The following NKAIN2 variants were observed in gnomAD, a reference collection of about 807,000 sequenced individuals.
NKAIN2 encodes the protein sodium/potassium-transporting ATPase subunit beta-1-interacting protein 2.
NKAIN2 carries 14 observed loss-of-function variants against 32.6 expected under a neutral mutation model. That is an observed-to-expected ratio of 0.43 (90% CI 0.28 to 0.67). NKAIN2 has a LOEUF of 0.67. NKAIN2 is among the 30% of genes least tolerant of loss of function. The pLI is 0.17. For missense variants in NKAIN2, 198 were observed against 258.3 expected (o/e 0.77, Z 1.60); for synonymous variants, 80 against 87.2 (o/e 0.92, Z 0.46).
At chr6:124,133,539 G>A (rs1309318098) in intron 1 of NKAIN2, among the ~76,000 whole-genome samples, 2 of 152,052 alleles carry the variant, frequency 1.3e-5, no homozygotes, top group South Asian at 2.1e-4. Context: ...TGCCTACCCA[G>A]GGATATATTC....
chr6:124,802,468 A>C (rs1282746839), intron 5 of NKAIN2, among the ~76,000 whole-genome samples: 2 of 152,264 alleles, frequency 1.3e-5, no homozygotes, highest in African/African-American at 4.8e-5. Context: ...GCACAAAGTG[A>C]GCCCAGGCAC....
intron 3 of NKAIN2, among the ~76,000 whole-genome samples, chr6:124,623,853 G>A (rs1291511323): frequency 6.6e-6 from 1 of 152,154 alleles, no homozygotes; most frequent in African/African-American, 2.4e-5. Flanking sequence ...GGTTTTCCTG[G>A]CCTTTGGTAC....
chr6:124,118,201 CTCAT>C (rs1476166959), intron 1 of NKAIN2, among the ~76,000 whole-genome samples: 1 of 152,056 alleles, frequency 6.6e-6, no homozygotes, highest in Non-Finnish European at 1.5e-5. Flanking sequence ...AACTGATACT[CTCAT>C]TTATTTATAT....
intron 1 of NKAIN2, among the ~76,000 whole-genome samples, chr6:123,945,811 C>A (rs1156559348): frequency 6.6e-6 from 1 of 152,146 alleles, no homozygotes; most frequent in Non-Finnish European, 1.5e-5. Flanking sequence ...AGATATAATT[C>A]AAGTGAGATT....
intron 1 of NKAIN2, among the ~76,000 whole-genome samples, chr6:124,249,726 G>A (rs989602953): frequency 2.5e-4 from 38 of 152,162 alleles, no homozygotes; most frequent in African/African-American, 9.1e-4. Context: ...TTCATCCTGA[G>A]GGTTTATGTT....
intron 1 of NKAIN2, among the ~76,000 whole-genome samples, chr6:123,954,411 T>TCA (rs35589803): frequency 0.14 from 21,229 of 152,094 alleles, 4,158 homozygotes; most frequent in African/African-American, 0.44. Flanking sequence ...AGGGGTTCAC[T>TCA]CTTGTCCTTT....
At position 124,810,272 on chromosome 6, in the gene NKAIN2, G is replaced by A. The variant is rs567099634; in HGVS notation, c.536-8115G>A. Among the ~76,000 whole-genome samples the A allele has an allele frequency of 2.0e-3, 302 of 151,816 alleles. 1 individual carries two copies. Among genetic ancestry groups the A allele is most frequent in the African/African-American group, 6.6e-3 (271 of 41,364 alleles). On this transcript the variant is annotated intron_variant, in intron 5 of 6. Transcript: ENST00000368417. ...TGATAGACTGGATTAAGAAAATGTG[G>A]CACATATACACCATGGAATACTATG... is the stretch of plus-strand genomic sequence containing the variant.
chr6:124,467,283 T>G (rs975793686), intron 3 of NKAIN2, among the ~76,000 whole-genome samples: 3 of 152,114 alleles, frequency 2.0e-5, no homozygotes, highest in Non-Finnish European at 4.4e-5. Context: ...CTTCTAGAAT[T>G]ATCCAAGAAA....
At chr6:124,576,759 C>T (rs1208381945) in intron 3 of NKAIN2, among the ~76,000 whole-genome samples, 2 of 151,824 alleles carry the variant, frequency 1.3e-5, no homozygotes, top group East Asian at 1.9e-4. Context: ...CTTTAAGAAA[C>T]GCACTTGTAG....
chr6:124,245,555 C>T (rs1456896806), intron 1 of NKAIN2, among the ~76,000 whole-genome samples: 2 of 151,996 alleles, frequency 1.3e-5, no homozygotes. Flanking sequence ...TATATTGCCC[C>T]CAGATGCAGA....
chr6:123,970,839 G>T (rs537476658), intron 1 of NKAIN2, among the ~76,000 whole-genome samples: 5 of 151,878 alleles, frequency 3.3e-5, no homozygotes, highest in African/African-American at 1.2e-4. Flanking sequence ...CTGAGATCGC[G>T]CCACTGCACT....
At chr6:124,299,412 G>A (rs1385747576) in intron 2 of NKAIN2, among the ~76,000 whole-genome samples, 1 of 152,118 alleles carries the variant, frequency 6.6e-6, no homozygotes, top group Non-Finnish European at 1.5e-5. Flanking sequence ...TTTCCACTGA[G>A]ATATATTTTT....
chr6:124,420,586 T>A (rs1461044710), intron 3 of NKAIN2, among the ~76,000 whole-genome samples: 1 of 152,146 alleles, frequency 6.6e-6, no homozygotes, highest in East Asian at 1.9e-4. Flanking sequence ...TAGAAGCTCA[T>A]TATCTGCACA....
At chr6:124,644,090 T>C (rs907413787) in intron 3 of NKAIN2, among the ~76,000 whole-genome samples, 2 of 152,204 alleles carry the variant, frequency 1.3e-5, no homozygotes, top group African/African-American at 4.8e-5. Flanking sequence ...ATACAGGCCC[T>C]GTCAGAAACA....
intron 3 of NKAIN2, among the ~76,000 whole-genome samples, chr6:124,419,854 A>G (rs534098209): frequency 2.6e-5 from 4 of 152,088 alleles, no homozygotes; most frequent in African/African-American, 7.2e-5. Context: ...TGTAGTTATA[A>G]TATCTTTAAC....
At chr6:124,561,466 T>C (rs948659468) in intron 3 of NKAIN2, among the ~76,000 whole-genome samples, 2 of 152,178 alleles carry the variant, frequency 1.3e-5, no homozygotes, top group Admixed American at 1.3e-4. Flanking sequence ...ATCTGGTCTG[T>C]GGGAAAAAAT....
At chr6:124,299,057 C>T (rs918279008) in intron 2 of NKAIN2, among the ~76,000 whole-genome samples, 2 of 152,138 alleles carry the variant, frequency 1.3e-5, no homozygotes, top group Non-Finnish European at 2.9e-5. Flanking sequence ...AATTCACTGC[C>T]CTGGCAGGCA....
intron 1 of NKAIN2, among the ~76,000 whole-genome samples, chr6:124,098,885 A>C: frequency 6.6e-6 from 1 of 151,684 alleles, no homozygotes; most frequent in Admixed American, 6.6e-5. Flanking sequence ...AAATAATAAT[A>C]ATAATAATAA....
At chr6:124,532,631 T>C (rs953746646) in intron 3 of NKAIN2, among the ~76,000 whole-genome samples, 3 of 152,184 alleles carry the variant, frequency 2.0e-5, no homozygotes, top group Non-Finnish European at 2.9e-5. Context: ...CTATTTAGGC[T>C]CCAGGAGGCT....
Sources: gnomAD v4.1 joint callset for allele counts (sites outside exome capture counted in the v4.1 genomes callset) on GRCh38, gnomAD v4.1.1 for gene constraint, MANE v1.5 for transcripts, NCBI Gene and HGNC (gene_info 2026-07-23, HGNC 2026-07-21) for gene names.